Variants in KCNJ16 observed in about 807,000 individuals in gnomAD.
The protein encoded by KCNJ16 is potassium inwardly rectifying channel subfamily J member 16.
KCNJ16 carries 15 observed loss-of-function variants against 18.5 expected under a neutral mutation model. That is an observed-to-expected ratio of 0.81 (90% CI 0.54 to 1.25). The LOEUF is 1.25. Among genes scored for constraint, KCNJ16 ranks in the 50% most tolerant of loss-of-function variants. The pLI is 0.00. For missense variants in KCNJ16, 523 were observed against 525.7 expected (o/e 0.99, Z 0.05); for synonymous variants, 174 against 186.5 (o/e 0.93, Z 0.55).
chr17:70,078,241 T>TC (rs1350856725), intron 1 of KCNJ16, among the ~76,000 whole-genome samples: 1 of 151,924 alleles, frequency 6.6e-6, no homozygotes, highest in African/African-American at 2.4e-5. Flanking sequence ...CTCCACATTC[T>TC]CCCCCTCCTA....
At chr17:70,079,740 T>C (rs1213726344) in intron 1 of KCNJ16, among the ~76,000 whole-genome samples, 1 of 152,340 alleles carries the variant, frequency 6.6e-6, no homozygotes, top group East Asian at 1.9e-4. Context: ...TCTCACTCTA[T>C]TGCCTAGGCT....
chr17:70,103,318 A>ATATC (rs2072753949), intron 2 of KCNJ16, among the ~76,000 whole-genome samples: 1 of 14,728 alleles, frequency 6.8e-5, no homozygotes, highest in Non-Finnish European at 1.7e-4. Flanking sequence ...ATATATATAT[A>ATATC]TATACACACA....
At chr17:70,109,018 G>C (rs561157326) in intron 2 of KCNJ16, among the ~76,000 whole-genome samples, 1 of 152,026 alleles carries the variant, frequency 6.6e-6, no homozygotes, top group Non-Finnish European at 1.5e-5. Context: ...GTGACTTAGC[G>C]AGCATTTCTT....
intron 2 of KCNJ16, among the ~76,000 whole-genome samples, chr17:70,118,096 CTA>C (rs2073482951): frequency 6.6e-6 from 1 of 152,080 alleles, no homozygotes; most frequent in Non-Finnish European, 1.5e-5. Context: ...GAACTTGAGT[CTA>C]TAAAATAAGC....
At chr17:70,109,248 A>C (rs2073079539) in intron 2 of KCNJ16, among the ~76,000 whole-genome samples, 1 of 152,140 alleles carries the variant, frequency 6.6e-6, no homozygotes, top group African/African-American at 2.4e-5. Context: ...ATCCCAAACT[A>C]GTTAAGATTC....
intron 2 of KCNJ16, among the ~76,000 whole-genome samples, chr17:70,115,127 C>G (rs1460983811): frequency 1.3e-5 from 2 of 152,100 alleles, no homozygotes; most frequent in Non-Finnish European, 2.9e-5. Context: ...ATTTTTGAAA[C>G]TTAAGGTCTC....
At chr17:70,109,423 C>A (rs2073087354) in intron 2 of KCNJ16, among the ~76,000 whole-genome samples, 1 of 152,200 alleles carries the variant, frequency 6.6e-6, no homozygotes. Flanking sequence ...AGGTCCTAAA[C>A]CCCAGCTCCA....
intron 2 of KCNJ16, among the ~76,000 whole-genome samples, chr17:70,120,911 G>A (rs2073610028): frequency 6.6e-6 from 1 of 152,212 alleles, no homozygotes; most frequent in South Asian, 2.1e-4. Context: ...GGAAAGAAAA[G>A]TGAATACTCA....
At chr17:70,126,237 A>C (rs529020891) in intron 2 of KCNJ16, among the ~76,000 whole-genome samples, 1 of 152,340 alleles carries the variant, frequency 6.6e-6, no homozygotes, top group Admixed American at 6.5e-5. Context: ...TCAGGACATC[A>C]GGACATTTCC....
intron 2 of KCNJ16, among the ~76,000 whole-genome samples, chr17:70,122,397 G>A (rs188515178): frequency 1.1e-4 from 16 of 152,120 alleles, no homozygotes; most frequent in Admixed American, 8.5e-4. Context: ...GGCTGGTCTC[G>A]TACTCCTGAC....
Position 70,133,182 on chromosome 17 carries a change from G to A in KCNJ16, c.1095G>A (p.Ser365=), listed in dbSNP as rs573051447. The change falls in exon 4 of 4, where the codon TCG becomes TCA. Residue 365 remains serine (S), a synonymous_variant. Transcript: ENST00000392671. ...KAPPVRESCT[S]DTKARRRSFS... Reference sequence around the variant, plus strand: ...CACCAGTTCGAGAATCCTGCACGTCGGACACCAAGGCGAGACGAAGGTCAT... The same window carrying A: ...CACCAGTTCGAGAATCCTGCACGTCAGACACCAAGGCGAGACGAAGGTCAT... 150 of 1,614,142 alleles carry A rather than the reference G, an allele frequency of 9.3e-5. 1 individual carries two copies. In the South Asian group the frequency reaches 1.3e-3, roughly 14 times the overall value.
In KCNJ16 at chr17:70,132,427, A is replaced by T; in HGVS notation, c.340A>T (p.Asn114Tyr). 1 of 1,614,192 alleles carries T rather than the reference A, an allele frequency of 6.2e-7. No homozygotes were observed. The highest frequency in any genetic ancestry group is 8.5e-7 in the Non-Finnish European group (1 of 1,180,022). ...NDPDITPCVD[N>Y]VHSFTGAFLF... ...TCCAGACATCACACCTTGTGTTGAC[A>T]ACGTCCATTCTTTCACAGGGGCCTT... The change falls in exon 4 of 4, where the codon AAC (asparagine) becomes TAC (tyrosine). Residue 114 changes from asparagine to tyrosine, a missense_variant. Coordinates refer to ENST00000392671, the MANE Select transcript of KCNJ16 (RefSeq NM_170741.4).
intron 2 of KCNJ16, among the ~76,000 whole-genome samples, chr17:70,103,597 C>T (rs1361221558): frequency 6.6e-6 from 1 of 152,008 alleles, no homozygotes; most frequent in East Asian, 1.9e-4. Context: ...TTAAATTAGG[C>T]TGTCCCAGGC....
chr17:70,100,373 C>T (rs2072570667), intron 1 of KCNJ16, among the ~76,000 whole-genome samples: 1 of 152,132 alleles, frequency 6.6e-6, no homozygotes, highest in East Asian at 1.9e-4. Context: ...AGATCAACGC[C>T]TTTCATTTGT....
intron 2 of KCNJ16, among the ~76,000 whole-genome samples, chr17:70,122,141 G>A (rs2073664577): frequency 1.3e-5 from 2 of 151,952 alleles, no homozygotes; most frequent in African/African-American, 4.8e-5. Flanking sequence ...TGATTTAAGG[G>A]AGAGTCATGA....
chr17:70,096,255 T>C (rs372383827), intron 1 of KCNJ16, among the ~76,000 whole-genome samples: 13 of 152,220 alleles, frequency 8.5e-5, no homozygotes, highest in African/African-American at 3.1e-4. Flanking sequence ...CAGTCTGATT[T>C]GGGTGGTTGT....
chr17:70,081,145 C>A (rs2071535380), intron 1 of KCNJ16, among the ~76,000 whole-genome samples: 1 of 152,136 alleles, frequency 6.6e-6, no homozygotes, highest in Admixed American at 6.6e-5. Context: ...GAGTTATGCA[C>A]CAGGATTGTC....
intron 2 of KCNJ16, among the ~76,000 whole-genome samples, chr17:70,121,479 A>G (rs1312899923): frequency 6.6e-6 from 1 of 152,072 alleles, no homozygotes; most frequent in Non-Finnish European, 1.5e-5. Context: ...ATCTCTACCT[A>G]TCACAGAACG....
In KCNJ16 at chr17:70,134,480, C is replaced by T. The variant is rs1174737922; in HGVS notation, c.*1136C>T. 1 of 166,800 alleles carries T rather than the reference C, an allele frequency of 6.0e-6. No individual in the cohort carries two copies. Among genetic ancestry groups the T allele is most frequent in the Non-Finnish European group, 1.5e-5 (1 of 68,106 alleles). The allele number at this position is 166,800 out of a possible 1,614,324, so 10.3% of individuals were successfully genotyped here. ...TTTGTGAGATAGAATTCAATTAAAG[C>T]GATTTGAATGCACAGTAAGTGGATA... On this transcript the variant is annotated 3_prime_UTR_variant, in exon 4 of 4. Coordinates refer to ENST00000392671, the MANE Select transcript of KCNJ16 (RefSeq NM_170741.4).
Sources: allele counts gnomAD v4.1 joint callset (sites outside exome capture counted in the v4.1 genomes callset), GRCh38; gene constraint gnomAD v4.1.1; transcripts MANE v1.5; gene names NCBI Gene and HGNC (gene_info 2026-07-23, HGNC 2026-07-21).